Variants in ATP6V1G3 observed in about 807,000 individuals in gnomAD.
The protein encoded by ATP6V1G3 is ATPase H+ transporting V1 subunit G3.
A neutral mutation model predicts 9.3 loss-of-function variants in ATP6V1G3; 9 were observed. That is an observed-to-expected ratio of 0.97 (90% CI 0.59 to 1.69). The LOEUF is 1.69. Among genes scored for constraint, ATP6V1G3 ranks in the 40% most tolerant of loss-of-function variants. The probability of loss-of-function intolerance (pLI) is 0.00; values close to 1 mark genes in which losing one functional copy is unlikely to be tolerated. For missense variants in ATP6V1G3, 133 were observed against 139.0 expected (o/e 0.96, Z 0.22); for synonymous variants, 43 against 43.8 (o/e 0.98, Z 0.07).
intron 1 of ATP6V1G3, among the ~76,000 whole-genome samples, chr1:198,535,424 CTGA>C (rs1660069959): frequency 6.6e-6 from 1 of 151,120 alleles, no homozygotes. Context: ...AGGAAATTTG[CTGA>C]TTTAAAAAAA....
intron 1 of ATP6V1G3, among the ~76,000 whole-genome samples, chr1:198,529,806 A>T (rs1223146989): frequency 6.6e-6 from 1 of 152,104 alleles, no homozygotes; most frequent in African/African-American, 2.4e-5. Context: ...TCTGAGGGGA[A>T]CTTGCTTGAA....
chr1:198,523,254 G>T lies in ATP6V1G3; in HGVS notation c.*137C>A. 2 of 816,596 alleles carry T rather than the reference G, an allele frequency of 2.4e-6. No homozygotes were observed. Among genetic ancestry groups the T allele is most frequent in the Non-Finnish European group, 3.9e-6 (2 of 518,222 alleles). 50.6% of individuals were successfully genotyped at this position (816,596 alleles called of 1,614,324 possible). On this transcript the variant is annotated 3_prime_UTR_variant, in exon 3 of 3. Coordinates refer to ENST00000367382, the MANE Select transcript of ATP6V1G3 (RefSeq NM_001376861.1). ...TTGTTTTGTTTAATTCAGTGCCGAT[G>T]TATGAGTTATGTCACATTTCCTGTA...
chr1:198,531,506 A>T (rs1426962778), intron 1 of ATP6V1G3, among the ~76,000 whole-genome samples: 1 of 152,198 alleles, frequency 6.6e-6, no homozygotes, highest in Non-Finnish European at 1.5e-5. Context: ...AGGATTAATA[A>T]AATCAATTTT....
At chr1:198,530,121 A>C (rs1659838525) in intron 1 of ATP6V1G3, among the ~76,000 whole-genome samples, 1 of 152,054 alleles carries the variant, frequency 6.6e-6, no homozygotes, top group Non-Finnish European at 1.5e-5. Flanking sequence ...ACTACATTAA[A>C]ATTCTTTTTT....
intron 1 of ATP6V1G3, among the ~76,000 whole-genome samples, chr1:198,532,468 T>A (rs918835347): frequency 6.6e-6 from 1 of 152,160 alleles, no homozygotes; most frequent in African/African-American, 2.4e-5. Flanking sequence ...TGTAGATCTA[T>A]GGATATAGCA....
At position 198,529,195 on chromosome 1, in the gene ATP6V1G3, AAT is replaced by A. The variant is rs139314248; in HGVS notation, c.83-16_83-15del. On this transcript the variant is annotated splice_polypyrimidine_tract_variant and intron_variant, in intron 1 of 2. Transcript: ENST00000367382. ...GCTTTCCTTTTCCTGAAAATTAACA[AAT>A]ATATATATATATATATATAATTATA... The A allele has an allele frequency of 0.049, 22,333 of 455,006 alleles. 651 individuals are homozygous for A. Among genetic ancestry groups the A allele is most frequent in the East Asian group, 0.23 (3,840 of 16,392 alleles). The allele number at this position is 455,006 out of a possible 1,614,324, so 28.2% of individuals were successfully genotyped here. A position where few individuals can be genotyped will look rare whatever the true frequency, so the allele number is the denominator to read the frequency against.
rs1440683347 is a variant in ATP6V1G3, at chr1:198,532,493, CTT to C, written c.83-3314_83-3313del. On this transcript the variant is annotated intron_variant, in intron 1 of 2. Coordinates refer to ENST00000367382, the MANE Select transcript of ATP6V1G3 (RefSeq NM_001376861.1). Reference sequence around the variant, plus strand: ...TGGATATAGCAGTGAAAGCCACAAACTTTTTGTTTCATGGAGTTTGTGTTCTG... The same window carrying C: ...TGGATATAGCAGTGAAAGCCACAAACTTTGTTTCATGGAGTTTGTGTTCTG... Among the ~76,000 whole-genome samples, 8 of 152,254 alleles carry C rather than the reference CTT, an allele frequency of 5.3e-5. 1 individual carries two copies. The highest frequency in any genetic ancestry group is 7.4e-5 in the Non-Finnish European group (5 of 67,998).
At chr1:198,529,009 C>T in intron 2 of ATP6V1G3, 72 bp downstream of exon 2, 1 of 647,204 alleles carries the variant, frequency 1.5e-6, no homozygotes, top group Non-Finnish European at 2.5e-6. Flanking sequence ...TGTCAATATC[C>T]TATATTAAAC....
At chr1:198,525,466 C>G (rs1385358304) in intron 2 of ATP6V1G3, among the ~76,000 whole-genome samples, 1 of 152,018 alleles carries the variant, frequency 6.6e-6, no homozygotes, top group Non-Finnish European at 1.5e-5. Flanking sequence ...TGATAAGATA[C>G]TGTAAAATGC....
intron 1 of ATP6V1G3, among the ~76,000 whole-genome samples, chr1:198,530,780 T>C (rs1659869187): frequency 6.6e-6 from 1 of 152,194 alleles, no homozygotes; most frequent in Admixed American, 6.6e-5. Flanking sequence ...GATATGTTGG[T>C]AGGAAAAACT....
intron 1 of ATP6V1G3, among the ~76,000 whole-genome samples, chr1:198,535,857 G>A (rs1269060029): frequency 6.6e-6 from 1 of 152,134 alleles, no homozygotes; most frequent in Admixed American, 6.6e-5. Flanking sequence ...AGCAGCTGTA[G>A]GGGGTGAGTA....
At chr1:198,531,220 C>G (rs1007604771) in intron 1 of ATP6V1G3, among the ~76,000 whole-genome samples, 2 of 152,126 alleles carry the variant, frequency 1.3e-5, no homozygotes, top group Non-Finnish European at 2.9e-5. Flanking sequence ...TTGATAGACT[C>G]AGCAGCTGCT....
At chr1:198,525,209 T>A (rs1659607719) in intron 2 of ATP6V1G3, among the ~76,000 whole-genome samples, 1 of 152,182 alleles carries the variant, frequency 6.6e-6, no homozygotes, top group African/African-American at 2.4e-5. Flanking sequence ...GCTCAAAATT[T>A]TTCCTCTAAA....
At chr1:198,532,599 G>T (rs904152221) in intron 1 of ATP6V1G3, among the ~76,000 whole-genome samples, 8 of 152,158 alleles carry the variant, frequency 5.3e-5, no homozygotes, top group African/African-American at 1.9e-4. Flanking sequence ...GAAGAAAGGA[G>T]AATAAGGGGT....
At chr1:198,531,516 T>G (rs1042752123) in intron 1 of ATP6V1G3, among the ~76,000 whole-genome samples, 4 of 152,168 alleles carry the variant, frequency 2.6e-5, no homozygotes, top group Non-Finnish European at 4.4e-5. Context: ...AAATCAATTT[T>G]GGGCAGGTTA....
chr1:198,535,524 TTTC>T (rs1317866625), intron 1 of ATP6V1G3, among the ~76,000 whole-genome samples: 7 of 152,008 alleles, frequency 4.6e-5, no homozygotes, highest in African/African-American at 1.7e-4. Flanking sequence ...GCAGAAATAT[TTTC>T]TTAAGTATGT....
chr1:198,532,559 A>C (rs542929969), intron 1 of ATP6V1G3, among the ~76,000 whole-genome samples: 46 of 152,312 alleles, frequency 3.0e-4, no homozygotes, highest in African/African-American at 1.1e-3. Context: ...ATGGACAATA[A>C]GTATATAATA....
chr1:198,536,760 A>G (rs374140161), intron 1 of ATP6V1G3: 91 of 1,479,532 alleles, frequency 6.2e-5, no homozygotes, highest in Non-Finnish European at 7.3e-5. Flanking sequence ...GAATGAGATC[A>G]TTCTAGTCTA....
At chr1:198,527,513 C>T (rs192886295) in intron 2 of ATP6V1G3, among the ~76,000 whole-genome samples, 64 of 151,974 alleles carry the variant, frequency 4.2e-4, no homozygotes, top group Admixed American at 1.2e-3. Flanking sequence ...ACTTAAAAAA[C>T]GGAAATAATT....
Sources: allele counts gnomAD v4.1 joint callset (sites outside exome capture counted in the v4.1 genomes callset), GRCh38; gene constraint gnomAD v4.1.1; transcripts MANE v1.5; gene names NCBI Gene and HGNC (gene_info 2026-07-23, HGNC 2026-07-21).